ACYP2: variants seen among roughly 807,000 people sequenced by gnomAD.
ACYP2 encodes the protein acylphosphatase 2, also known as acylphosphatase-2.
ACYP2 carries 12 observed loss-of-function variants against 11.2 expected under a neutral mutation model. That is an observed-to-expected ratio of 1.08 (90% CI 0.69 to 1.74). ACYP2 has a LOEUF of 1.74. Ranked by LOEUF, ACYP2 falls within the 40% of genes most tolerant of loss-of-function variation. The probability of loss-of-function intolerance (pLI) is 0.00; values close to 1 mark genes in which losing one functional copy is unlikely to be tolerated. For missense variants in ACYP2, 134 were observed against 101.9 expected (o/e 1.31, Z -1.35); for synonymous variants, 43 against 32.2 (o/e 1.33, Z -1.13).
At chr2:54,241,048 G>T (rs545170528) in intron 6 of ACYP2, among the ~76,000 whole-genome samples, 2 of 152,152 alleles carry the variant, frequency 1.3e-5, no homozygotes, top group South Asian at 2.1e-4. Flanking sequence ...CCTTTGGCTG[G>T]CTGGAGAGCA....
Position 54,255,986 on chromosome 2 carries a change from C to G in ACYP2, c.405-48702C>G, listed in dbSNP as rs775469299. ...GGATCCTGGGGCGCGACCCCCTCCT[C>G]TGGAAGCCGGGGCGGTGGGAACACG... On this transcript the variant is annotated intron_variant, in intron 6 of 6. Transcript: ENST00000607452. 2.5e-6 allele frequency: 4 copies of G among 1,614,066 alleles called. No homozygotes were observed. The East Asian group carries it at 8.9e-5, about 36-fold the overall frequency.
At chr2:54,024,525 A>T (rs2104548798) in intron 2 of ACYP2, among the ~76,000 whole-genome samples, 2 of 152,364 alleles carry the variant, frequency 1.3e-5, no homozygotes, top group Middle Eastern at 3.4e-3. Flanking sequence ...AAAGCATTTG[A>T]CAAAATCCAG....
intron 6 of ACYP2, among the ~76,000 whole-genome samples, chr2:54,259,883 G>A (rs1687707101): frequency 6.6e-6 from 1 of 152,204 alleles, no homozygotes; most frequent in Non-Finnish European, 1.5e-5. Context: ...ACTGTTTTGA[G>A]AAGTTTTGTT....
At chr2:54,039,905 G>A (rs944045123) in intron 2 of ACYP2, among the ~76,000 whole-genome samples, 1 of 149,464 alleles carries the variant, frequency 6.7e-6, no homozygotes, top group African/African-American at 2.5e-5. Flanking sequence ...GCCCAGGCTG[G>A]AGTGTGGTGG....
intron 6 of ACYP2, among the ~76,000 whole-genome samples, chr2:54,209,036 G>A (rs924770809): frequency 7.1e-6 from 1 of 140,908 alleles, no homozygotes; most frequent in Non-Finnish European, 1.5e-5. Context: ...TTTTACAGAT[G>A]TATTTCATCA....
chr2:54,004,905 A>G (rs1196079953), intron 2 of ACYP2, among the ~76,000 whole-genome samples: 1 of 134,190 alleles, frequency 7.5e-6, no homozygotes, highest in African/African-American at 2.8e-5. Context: ...AAAAAAAAAA[A>G]AAAAAAAAAA....
In ACYP2 at chr2:53,981,978, G is replaced by A. The variant is rs1007543876; in HGVS notation, c.62+8168G>A. Among the ~76,000 whole-genome samples the A allele has an allele frequency of 4.6e-5, 7 of 152,182 alleles. No individual in the cohort carries two copies. The South Asian group carries it at 8.3e-4, about 18-fold the overall frequency. On this transcript the variant is annotated intron_variant, in intron 2 of 6. Transcript: ENST00000607452. The stretch of plus-strand genomic sequence containing the variant: ...TTTTTCAGCACCACCAAAGCTTTTC[G>A]TGTTTCTTCTTTTTGTCAAGCTATG...
intron 6 of ACYP2, among the ~76,000 whole-genome samples, chr2:54,202,405 C>CTT (rs61634500): frequency 2.0e-4 from 23 of 116,360 alleles, no homozygotes; most frequent in African/African-American, 4.3e-4. Flanking sequence ...CTGTGCCTGG[C>CTT]TTTTTTTTTT....
At chr2:54,247,292 A>T (rs1265134026) in intron 6 of ACYP2, among the ~76,000 whole-genome samples, 1 of 152,056 alleles carries the variant, frequency 6.6e-6, no homozygotes, top group Non-Finnish European at 1.5e-5. Flanking sequence ...AGCCAAGTTT[A>T]TCTTAGGAGA....
intron 4 of ACYP2, among the ~76,000 whole-genome samples, chr2:54,131,670 C>G (rs976867575): frequency 2.0e-5 from 3 of 152,272 alleles, no homozygotes; most frequent in Admixed American, 6.5e-5. Flanking sequence ...CCAACTTGAA[C>G]AGTGTGATGG....
intron 3 of ACYP2, among the ~76,000 whole-genome samples, chr2:54,056,452 A>G (rs992010757): frequency 6.6e-6 from 1 of 152,230 alleles, no homozygotes; most frequent in African/African-American, 2.4e-5. Context: ...CAGAAGCATA[A>G]TACCCTGTAC....
chr2:54,267,310 C>T (rs749871975), intron 6 of ACYP2: 16 of 1,548,368 alleles, frequency 1.0e-5, no homozygotes, highest in East Asian at 9.8e-5. Flanking sequence ...TCATCAGCTC[C>T]GGAAGCTGGG....
intron 2 of ACYP2, among the ~76,000 whole-genome samples, chr2:53,992,773 G>T (rs1672363259): frequency 6.7e-6 from 1 of 150,374 alleles, no homozygotes; most frequent in Non-Finnish European, 1.5e-5. Flanking sequence ...TGAGGTTGCA[G>T]CGAGCTGAGA....
chr2:54,255,613 A>G (rs375734975), intron 6 of ACYP2: 8 of 1,612,636 alleles, frequency 5.0e-6, no homozygotes, highest in South Asian at 3.3e-5. Flanking sequence ...TACCTCATCT[A>G]TTGCTCTGTT....
At chr2:53,986,570 C>G (rs1001753098) in intron 2 of ACYP2, among the ~76,000 whole-genome samples, 1 of 151,566 alleles carries the variant, frequency 6.6e-6, no homozygotes, top group Non-Finnish European at 1.5e-5. Context: ...CTCCTGACCT[C>G]AAGTGATCCT....
chr2:53,983,932 G>T (rs754939480), intron 2 of ACYP2, among the ~76,000 whole-genome samples: 11 of 152,130 alleles, frequency 7.2e-5, no homozygotes, highest in African/African-American at 1.2e-4. Context: ...AGACAAGAAG[G>T]TAAACTGAGG....
intron 4 of ACYP2, among the ~76,000 whole-genome samples, chr2:54,083,860 G>A (rs1470182162): frequency 6.6e-6 from 1 of 152,182 alleles, no homozygotes. Context: ...CCAGGTTTCA[G>A]TTTGGAGTAG....
At chr2:54,265,680 T>G (rs1687983603) in intron 6 of ACYP2, among the ~76,000 whole-genome samples, 1 of 152,204 alleles carries the variant, frequency 6.6e-6, no homozygotes, top group Admixed American at 6.5e-5. Context: ...GAAGATTAAT[T>G]AAATAAGTTG....
At chr2:54,077,823 G>C (rs190149240) in intron 4 of ACYP2, among the ~76,000 whole-genome samples, 1 of 152,294 alleles carries the variant, frequency 6.6e-6, no homozygotes, top group Admixed American at 6.5e-5. Flanking sequence ...AGTCTTCTGT[G>C]TCCTGGCCTA....
Sources: allele counts gnomAD v4.1 joint callset (sites outside exome capture counted in the v4.1 genomes callset), GRCh38; gene constraint gnomAD v4.1.1; transcripts MANE v1.5; gene names NCBI Gene and HGNC (gene_info 2026-07-23, HGNC 2026-07-21).